ZNF398: variants seen among roughly 807,000 people sequenced by gnomAD.
ZNF398 encodes zinc finger protein 398, also known as zinc finger DNA binding protein ZER6.
In ZNF398, 18 loss-of-function variants were observed where a neutral mutation model predicts 41.9. That is an observed-to-expected ratio of 0.43 (90% CI 0.30 to 0.64). ZNF398 has a LOEUF of 0.64. Among genes scored for constraint, ZNF398 ranks in the 30% least tolerant of loss-of-function variants. ZNF398 has a pLI of 0.14. For synonymous variants in ZNF398, 260 were observed against 308.8 expected, an observed-to-expected ratio of 0.84 and a Z score of 1.66; for missense variants, 669 against 822.8, an observed-to-expected ratio of 0.81 and a Z score of 2.29.
At chr7:149,158,447 G>C (rs189364666) in intron 2 of ZNF398, among the ~76,000 whole-genome samples, 137 of 152,272 alleles carry the variant, frequency 9.0e-4, no homozygotes, top group African/African-American at 3.1e-3. Flanking sequence ...ACCTGGGAAG[G>C]ATATTGGAGC....
rs1247490466 is a variant in ZNF398, at chr7:149,179,220, G to A, written c.1348G>A (p.Ala450Thr). 6.2e-7 allele frequency: 1 copy of A among 1,613,440 alleles called. No individual in the cohort carries two copies. The highest frequency in any genetic ancestry group is 8.5e-7 in the Non-Finnish European group (1 of 1,180,010). ...ACTCACCAGCCACCGGAGAGCTCAT[G>A]CAAGCGAAAGGCCCTTCCGCTGTGC... is the stretch of plus-strand genomic sequence containing the variant. ...ARLTSHRRAH[A>T]SERPFRCAQC... Residue 450 changes from alanine (A) to threonine (T), a missense_variant, in exon 6 of 6, where the codon GCA becomes ACA. By Grantham distance (58) the Ala-to-Thr change is moderately conservative (BLOSUM62 0). Around this residue, in one of 3 missense-constraint regions of ZNF398, gnomAD observed 210 missense variants for 290.4 expected, o/e 0.72. Transcript: ENST00000475153. This position sits in a 1 kb window ranked among gnomAD's most constrained non-coding sequence, Gnocchi z 6.1.
At chr7:149,155,707 A>ATT (rs1359986695) in intron 2 of ZNF398, among the ~76,000 whole-genome samples, 9 of 73,534 alleles carry the variant, frequency 1.2e-4, no homozygotes, top group African/African-American at 4.1e-4. Context: ...ATATATATAT[A>ATT]TTTTTTTTTT....
rs377203540 is a variant in ZNF398, at chr7:149,166,966, C to T, written c.661+36C>T. 4.1e-6 allele frequency: 6 copies of T among 1,476,298 alleles called. No homozygotes were observed. In the African/African-American group the frequency reaches 8.4e-5, roughly 21 times the overall value. 91.4% of individuals were successfully genotyped at this position (1,476,298 alleles called of 1,614,324 possible). Reference sequence around the variant, plus strand: ...GAAGAGATTCCTACTTCTTGTCTCCCTTTCCTGGTCAGACATGGTGGCTCA... The same window carrying T: ...GAAGAGATTCCTACTTCTTGTCTCCTTTTCCTGGTCAGACATGGTGGCTCA... On this transcript the variant is annotated intron_variant, in intron 4 of 5. Transcript: ENST00000475153.
Position 149,179,054 on chromosome 7 carries a change from C to T in ZNF398, c.1182C>T (p.Ser394=), listed in dbSNP as rs766917340. The stretch of plus-strand genomic sequence containing the variant: ...GCAGCACCTCCCAGGACCATGCCAG[C>T]GAGACACCCCCCACCTGCCCACACT... The part of the protein sequence containing the change: ...DLSSTSQDHA[S]ETPPTCPHCA... Residue 394 remains serine, a synonymous_variant, in exon 6 of 6, where the codon AGC becomes AGT. Coordinates refer to ENST00000475153, the MANE Select transcript of ZNF398 (RefSeq NM_170686.3). The surrounding 1 kb of genome is among the most constrained non-coding windows in gnomAD (Gnocchi z 6.1). 7.4e-6 allele frequency: 12 copies of T among 1,613,948 alleles called. No individual in the cohort carries two copies. The highest frequency in any genetic ancestry group is 2.2e-5 in the South Asian group (2 of 91,060).
upstream of ZNF398, among the ~76,000 whole-genome samples, chr7:149,144,653 A>G (rs888729607): frequency 3.3e-5 from 5 of 150,108 alleles, no homozygotes; most frequent in South Asian, 2.1e-4. Flanking sequence ...CAATGGTGCA[A>G]TCTCCGCTCA....
At chr7:149,175,964 G>T (rs1282817506) in intron 4 of ZNF398, among the ~76,000 whole-genome samples, 2 of 152,050 alleles carry the variant, frequency 1.3e-5, no homozygotes, top group Admixed American at 1.3e-4. Context: ...GGGCTTACAC[G>T]CGTGAGTTAC....
chr7:149,133,707 A>G (rs1343528325), intron 2 of ZNF398, among the ~76,000 whole-genome samples: 3 of 76,146 alleles, frequency 3.9e-5, no homozygotes, highest in African/African-American at 6.0e-5. Flanking sequence ...ATATATATAC[A>G]CACATATATA....
Position 149,147,781 on chromosome 7 carries a change from G to A in ZNF398, c.24+15G>A, listed in dbSNP as rs1165017513. 14 of 1,395,090 alleles carry A rather than the reference G, an allele frequency of 1.0e-5. No homozygotes were observed. Among genetic ancestry groups the A allele is most frequent in the Non-Finnish European group, 1.3e-5 (14 of 1,072,354 alleles). 86.4% of individuals were successfully genotyped at this position (1,395,090 alleles called of 1,614,324 possible). On this transcript the variant is annotated intron_variant, in intron 1 of 5. Coordinates refer to ENST00000475153, the MANE Select transcript of ZNF398 (RefSeq NM_170686.3). This position sits in a 1 kb window ranked among gnomAD's most constrained non-coding sequence, Gnocchi z 5.6. ...CCCCGGCCCCGGTAAGGGCGGCCGC[G>A]CGCGAGTGTTGTGAGCCCCCGAGAC...
At chr7:149,152,353 T>C (rs1032062860) in intron 1 of ZNF398, among the ~76,000 whole-genome samples, 4 of 149,436 alleles carry the variant, frequency 2.7e-5, no homozygotes, top group Admixed American at 6.7e-5. Flanking sequence ...CTCCGCCTCC[T>C]GGGTTCACGC....
At chr7:149,156,239 G>C (rs897941642) in intron 2 of ZNF398, among the ~76,000 whole-genome samples, 3 of 151,946 alleles carry the variant, frequency 2.0e-5, no homozygotes, top group Non-Finnish European at 4.4e-5. Context: ...GGGTGCATTG[G>C]CTCACGCCTG....
intron 4 of ZNF398, among the ~76,000 whole-genome samples, chr7:149,173,732 C>A (rs1334370530): frequency 6.6e-6 from 1 of 151,122 alleles, no homozygotes; most frequent in African/African-American, 2.4e-5. Flanking sequence ...TGCTGTCATC[C>A]AGGCTTTGTT....
chr7:149,139,211 A>AT (rs913752007), intron 2 of ZNF398, among the ~76,000 whole-genome samples: 58 of 146,456 alleles, frequency 4.0e-4, no homozygotes, highest in Admixed American at 5.5e-4. Context: ...CGCCCAGCCA[A>AT]TTTTTTTTTT....
intron 2 of ZNF398, among the ~76,000 whole-genome samples, chr7:149,161,598 A>C (rs1795105200): frequency 6.6e-6 from 1 of 152,152 alleles, no homozygotes; most frequent in Non-Finnish European, 1.5e-5. Context: ...ACCAAAACCA[A>C]AAACAACTAG....
chr7:149,161,761 A>G (rs1795108634), intron 2 of ZNF398, among the ~76,000 whole-genome samples: 1 of 151,930 alleles, frequency 6.6e-6, no homozygotes, highest in Admixed American at 6.6e-5. Flanking sequence ...GGGAATTAGT[A>G]GAAAAGCTAA....
chr7:149,152,482 G>C (rs1310692268), intron 1 of ZNF398, among the ~76,000 whole-genome samples: 1 of 151,256 alleles, frequency 6.6e-6, no homozygotes, highest in African/African-American at 2.4e-5. Flanking sequence ...GGATGGTCTC[G>C]ATCTCCTGAC....
chr7:149,172,544 TA>T (rs1795369212), intron 4 of ZNF398, among the ~76,000 whole-genome samples: 1 of 152,184 alleles, frequency 6.6e-6, no homozygotes, highest in Non-Finnish European at 1.5e-5. Flanking sequence ...GTGCTTCCTT[TA>T]TGTGAAAAGG....
At chr7:149,146,316 C>A (rs917043307), upstream of ZNF398, among the ~76,000 whole-genome samples, 5 of 152,108 alleles carry the variant, frequency 3.3e-5, no homozygotes, top group Admixed American at 1.3e-4. Context: ...AGGAATTCCA[C>A]TTCCTCCAGC....
intron 2 of ZNF398, among the ~76,000 whole-genome samples, chr7:149,131,051 C>G (rs1046136050): frequency 6.6e-6 from 1 of 152,070 alleles, no homozygotes; most frequent in Non-Finnish European, 1.5e-5. Context: ...ATCTGGGAGG[C>G]CTGATGGTTG....
exon 1 of ZNF398, chr7:149,126,524 C>G (rs1826481406): frequency 4.1e-6 from 2 of 485,912 alleles, no homozygotes; most frequent in South Asian, 2.8e-5. Context: ...CGGTCGAAGA[C>G]GAGATGAGGG....
Sources: gnomAD v4.1 joint callset for allele counts (sites outside exome capture counted in the v4.1 genomes callset) on GRCh38, gnomAD v4.1.1 for gene constraint, gnomAD v4.1.1 regional missense constraint, Gnocchi (gnomAD v3.1) non-coding constraint, MANE v1.5 for transcripts, NCBI Gene and HGNC (gene_info 2026-07-23, HGNC 2026-07-21) for gene names.